The following MRPS18A variants were observed in gnomAD, a reference collection of about 807,000 sequenced individuals.
MRPS18A encodes the protein large ribosomal subunit protein mL66.
MRPS18A carries 20 observed loss-of-function variants against 22.7 expected under a neutral mutation model. The observed-to-expected ratio is 0.88, with a 90% CI of 0.62 to 1.28. The LOEUF (loss-of-function observed/expected upper bound fraction) is 1.28. Among genes scored for constraint, MRPS18A ranks in the 50% most tolerant of loss-of-function variants. The pLI, the probability that MRPS18A is intolerant of heterozygous loss-of-function variation, is 0.00. For missense variants in MRPS18A, 294 were observed against 262.6 expected (o/e 1.12, Z -0.83); for synonymous variants, 106 against 99.1 (o/e 1.07, Z -0.41).
At chr6:43,679,784 C>A (rs1774283937) in intron 2 of MRPS18A, among the ~76,000 whole-genome samples, 1 of 151,974 alleles carries the variant, frequency 6.6e-6, no homozygotes, top group African/African-American at 2.4e-5. Flanking sequence ...ACAACTATAC[C>A]AGAAACTGAG....
At position 43,671,697 on chromosome 6, in the gene MRPS18A, C is replaced by T. The variant is rs775210164; in HGVS notation, c.*65G>A. 1.3e-4 allele frequency: 205 copies of T among 1,595,334 alleles called. No homozygotes were observed. The highest frequency in any genetic ancestry group is 1.6e-4 in the Non-Finnish European group (190 of 1,164,764). ...ACAGGAGTATAGTTGTGGCCAAGGG[C>T]TTGTGAGTGGGCCTCCTACTCCCCA... On this transcript the variant is annotated 3_prime_UTR_variant, in exon 6 of 6. Transcript: ENST00000372133.
At chr6:43,685,137 A>G (rs1774622745) in intron 1 of MRPS18A, among the ~76,000 whole-genome samples, 1 of 152,220 alleles carries the variant, frequency 6.6e-6, no homozygotes, top group Non-Finnish European at 1.5e-5. Flanking sequence ...TGGGCAAGCT[A>G]TTAAACCCCT....
intron 2 of MRPS18A, among the ~76,000 whole-genome samples, chr6:43,678,937 C>T (rs1774226651): frequency 6.6e-6 from 1 of 151,748 alleles, no homozygotes; most frequent in African/African-American, 2.4e-5. Flanking sequence ...TTTCCGTCCT[C>T]GAAAAAAACA....
chr6:43,671,621 T>C lies in MRPS18A; in HGVS notation c.*141A>G. The C allele has an allele frequency of 4.2e-6, 4 of 963,476 alleles. No homozygotes were observed. Among genetic ancestry groups the C allele is most frequent in the Non-Finnish European group, 6.3e-6 (4 of 632,812 alleles). 59.7% of individuals were successfully genotyped at this position (963,476 alleles called of 1,614,324 possible). A position where few individuals can be genotyped will look rare whatever the true frequency, so the allele number is the denominator to read the frequency against. On this transcript the variant is annotated 3_prime_UTR_variant, in exon 6 of 6. Transcript: ENST00000372133. ...CCAAGGGTACTGAAGTTAGTCCCAC[T>C]GTCCCCTGTCCATGCATGTTGGAGG...
chr6:43,683,957 A>G (rs769919430), intron 1 of MRPS18A, among the ~76,000 whole-genome samples: 5 of 152,302 alleles, frequency 3.3e-5, no homozygotes, highest in Non-Finnish European at 7.4e-5. Flanking sequence ...TAACTGAATT[A>G]TAACAGTGTG....
At chr6:43,680,236 G>C (rs1415097568) in intron 2 of MRPS18A, among the ~76,000 whole-genome samples, 2 of 145,768 alleles carry the variant, frequency 1.4e-5, no homozygotes, top group Non-Finnish European at 3.0e-5. Flanking sequence ...GTACCCTAAG[G>C]GGATTGGGGG....
In MRPS18A at chr6:43,687,695, G is replaced by C. The variant is rs772212069; in HGVS notation, c.85C>G (p.Arg29Gly). ...TCCCTGAACCCGCGAGCTGGAAGCC[G>C]AGACCAGCTGGTCGCTGCCGGGCCC... ...LAGPAATSWSRLPARGFREVV... is the reference protein window; with the variant it reads ...LAGPAATSWSGLPARGFREVV... The change falls in exon 1 of 6, where the codon CGG becomes GGG. Residue 29 changes from arginine (R) to glycine (G), a missense_variant. Coordinates refer to ENST00000372133, the MANE Select transcript of MRPS18A (RefSeq NM_018135.4). The C allele has an allele frequency of 6.3e-7, 1 of 1,581,458 alleles. No individual in the cohort carries two copies. The highest frequency in any genetic ancestry group is 8.6e-7 in the Non-Finnish European group (1 of 1,163,748).
At chr6:43,675,432 C>A (rs1244227413) in intron 4 of MRPS18A, 62 bp downstream of exon 4, 1 of 1,613,614 alleles carries the variant, frequency 6.2e-7, no homozygotes, top group African/African-American at 1.3e-5. Context: ...AAACATGGGG[C>A]AGCTGGGTGG....
chr6:43,675,460 C>T (rs753252004), intron 4 of MRPS18A, 34 bp downstream of exon 4: 7 of 1,613,998 alleles, frequency 4.3e-6, no homozygotes, highest in Non-Finnish European at 5.9e-6. Context: ...GTGCCTGCAG[C>T]CCTCTGCCCC....
At chr6:43,679,790 C>G (rs538905878) in intron 2 of MRPS18A, among the ~76,000 whole-genome samples, 141 of 152,128 alleles carry the variant, frequency 9.3e-4, no homozygotes, top group African/African-American at 3.3e-3. Flanking sequence ...ATACCAGAAA[C>G]TGAGATGTTA....
intron 5 of MRPS18A, 141 bp from the exon 6 acceptor site, chr6:43,672,047 G>T: frequency 9.7e-7 from 1 of 1,029,660 alleles, no homozygotes; most frequent in Non-Finnish European, 1.4e-6. Flanking sequence ...GAAGTGCAGG[G>T]ATTTTCCTGG....
chr6:43,672,350 AC>A (rs1218820401), intron 5 of MRPS18A: 1 of 472,774 alleles, frequency 2.1e-6, no homozygotes, highest in South Asian at 1.5e-5. Context: ...TCCCCAGGGT[AC>A]TATAACTGGT....
chr6:43,680,088 A>G (rs1212536146), intron 2 of MRPS18A, among the ~76,000 whole-genome samples: 1 of 152,170 alleles, frequency 6.6e-6, no homozygotes, highest in Non-Finnish European at 1.5e-5. Flanking sequence ...ATGCCTCCAC[A>G]TCTATTCTAC....
Position 43,678,616 on chromosome 6 carries a change from G to C in MRPS18A, c.154C>G (p.Arg52Gly). 1 of 1,612,674 alleles carries C rather than the reference G, an allele frequency of 6.2e-7. No homozygotes were observed. The highest frequency in any genetic ancestry group is 2.2e-5 in the East Asian group (1 of 44,872). Residue 52 changes from arginine (R) to glycine (G), a missense_variant, in exon 3 of 6, where the codon CGT becomes GGT. Coordinates refer to ENST00000372133, the MANE Select transcript of MRPS18A (RefSeq NM_018135.4). The part of the protein sequence containing the change: ...QEGKTTIIEG[R>G]ITATPKESPN... ...CTCTCCTTGGGAGTCGCTGTGATAC[G>C]GCCTTCAATCTAGGAGACAGAGAAA...
chr6:43,677,727 T>G (rs1180169370), intron 3 of MRPS18A, among the ~76,000 whole-genome samples: 1 of 152,126 alleles, frequency 6.6e-6, no homozygotes, highest in Non-Finnish European at 1.5e-5. Context: ...TGTCTCAAAT[T>G]TCCTCATCTA....
At chr6:43,674,976 C>T (rs1773969891) in intron 5 of MRPS18A, among the ~76,000 whole-genome samples, 1 of 152,166 alleles carries the variant, frequency 6.6e-6, no homozygotes, top group African/African-American at 2.4e-5. Context: ...ATTCTAATGC[C>T]CAATCAGCAG....
intron 3 of MRPS18A, 94 bp from the exon 4 acceptor site, chr6:43,675,711 T>C: frequency 6.9e-7 from 1 of 1,440,422 alleles, no homozygotes; most frequent in Non-Finnish European, 9.3e-7. Flanking sequence ...GAGGCTGATA[T>C]CTCCTGGGAA....
chr6:43,680,827 C>T (rs577986558), intron 2 of MRPS18A, among the ~76,000 whole-genome samples: 2 of 152,348 alleles, frequency 1.3e-5, no homozygotes, highest in South Asian at 4.1e-4. Context: ...AAGAGCTTAT[C>T]AGCAAAGGCC....
In MRPS18A at chr6:43,681,086, T is replaced by C. The variant is rs112731335; in HGVS notation, c.144+3A>G. 2 of 1,613,254 alleles carry C rather than the reference T, an allele frequency of 1.2e-6. No homozygotes were observed. Among genetic ancestry groups the C allele is most frequent in the East Asian group, 2.2e-5 (1 of 44,878 alleles). On this transcript the variant is annotated splice_donor_region_variant and intron_variant, in intron 2 of 5. Transcript: ENST00000372133. The stretch of plus-strand genomic sequence containing the variant: ...TATACATGGCCAACTCAACGATACT[T>C]ACTATAGTTGTCTTCCCTTCTTGGG...
Sources: allele counts gnomAD v4.1 joint callset (sites outside exome capture counted in the v4.1 genomes callset), GRCh38; gene constraint gnomAD v4.1.1; transcripts MANE v1.5; gene names NCBI Gene and HGNC (gene_info 2026-07-23, HGNC 2026-07-21).